GRM5: variants seen among roughly 807,000 people sequenced by gnomAD.
GRM5 encodes glutamate metabotropic receptor 5, also known as metabotropic glutamate receptor 5.
A neutral mutation model predicts 83.1 loss-of-function variants in GRM5; 19 were observed. The ratio of observed to expected loss-of-function variants is 0.23; its 90% CI spans 0.16 to 0.34. The LOEUF (loss-of-function observed/expected upper bound fraction) is 0.34. Ranked by LOEUF, GRM5 falls within the 10% of genes least tolerant of loss-of-function variation. The pLI, the probability that GRM5 is intolerant of heterozygous loss-of-function variation, is 1.00. For synonymous variants in GRM5, 675 were observed against 633.6 expected, an observed-to-expected ratio of 1.07 and a Z score of -0.98; for missense variants, 1,160 against 1,588.3, an observed-to-expected ratio of 0.73 and a Z score of 4.58.
intron 3 of GRM5, among the ~76,000 whole-genome samples, chr11:88,787,745 A>G (rs971029311): frequency 1.3e-5 from 2 of 152,110 alleles, no homozygotes; most frequent in African/African-American, 4.8e-5. Context: ...AAAGAGAGAG[A>G]GGAAAAACAA....
chr11:88,594,093 C>T (rs2135213968), intron 6 of GRM5, among the ~76,000 whole-genome samples: 1 of 152,102 alleles, frequency 6.6e-6, no homozygotes, highest in African/African-American at 2.4e-5. Context: ...CCGCCCGGCC[C>T]TAGAAGTTAC....
chr11:88,681,411 C>G (rs532376907), intron 3 of GRM5, among the ~76,000 whole-genome samples: 1 of 151,784 alleles, frequency 6.6e-6, no homozygotes, highest in African/African-American at 2.4e-5. Context: ...TTTGATTTCT[C>G]TTGAACCCTT....
At chr11:88,686,364 A>T (rs1267343869) in intron 3 of GRM5, among the ~76,000 whole-genome samples, 2 of 152,188 alleles carry the variant, frequency 1.3e-5, no homozygotes, top group Admixed American at 6.5e-5. Context: ...GGAAATAATT[A>T]GCTTGATTTT....
At chr11:88,769,423 GAGT>G (rs1222743703) in intron 3 of GRM5, among the ~76,000 whole-genome samples, 1 of 151,988 alleles carries the variant, frequency 6.6e-6, no homozygotes, top group East Asian at 1.9e-4. Context: ...GAGCAGTAAT[GAGT>G]ATATGCAACA....
At chr11:88,574,682 G>A (rs1943069840) in intron 7 of GRM5, among the ~76,000 whole-genome samples, 1 of 152,136 alleles carries the variant, frequency 6.6e-6, no homozygotes, top group East Asian at 1.9e-4. Flanking sequence ...CAGGAGAATC[G>A]CTTGAACCCA....
At chr11:88,530,880 GA>G (rs1941991484) in intron 8 of GRM5, among the ~76,000 whole-genome samples, 1 of 152,078 alleles carries the variant, frequency 6.6e-6, no homozygotes, top group Non-Finnish European at 1.5e-5. Flanking sequence ...GATCAAGTTT[GA>G]GTAAGTGACC....
intron 2 of GRM5, among the ~76,000 whole-genome samples, chr11:89,035,944 A>G (rs1381496599): frequency 6.6e-6 from 1 of 152,046 alleles, no homozygotes; most frequent in Non-Finnish European, 1.5e-5. Context: ...TTCTAGTTGG[A>G]GAAGTAAAGG....
chr11:88,560,855 C>A (rs1942738974), intron 8 of GRM5, among the ~76,000 whole-genome samples: 1 of 152,300 alleles, frequency 6.6e-6, no homozygotes, highest in South Asian at 2.1e-4. Flanking sequence ...ATTGCTCAGT[C>A]CTCAGTCAAT....
chr11:88,975,783 AT>A (rs1478287996), intron 2 of GRM5, among the ~76,000 whole-genome samples: 1 of 152,206 alleles, frequency 6.6e-6, no homozygotes. Context: ...TGTTGGTCTC[AT>A]TTTGATTCCA....
chr11:88,903,507 C>A (rs1357354803), intron 2 of GRM5, among the ~76,000 whole-genome samples: 1 of 152,046 alleles, frequency 6.6e-6, no homozygotes, highest in Non-Finnish European at 1.5e-5. Context: ...AAGTGTCTAT[C>A]AAGAGATGAT....
intron 2 of GRM5, among the ~76,000 whole-genome samples, chr11:89,039,116 T>C (rs369139630): frequency 6.6e-6 from 1 of 151,812 alleles, no homozygotes; most frequent in South Asian, 2.1e-4. Context: ...ATACAAAAAA[T>C]TAGCTGGGCA....
chr11:89,015,877 G>A (rs957715349), intron 2 of GRM5, among the ~76,000 whole-genome samples: 4 of 152,138 alleles, frequency 2.6e-5, no homozygotes, highest in African/African-American at 9.7e-5. Flanking sequence ...AACAATGTGA[G>A]TTAGGGGGCA....
rs1196721829 is a variant in GRM5 at position 88,531,298 on chromosome 11, G to T, written c.2631-5894C>A. On this transcript the variant is annotated intron_variant, in intron 8 of 9. Coordinates refer to ENST00000305447, the MANE Select transcript of GRM5 (RefSeq NM_001143831.3). ...TCAATTTAAGAAAACAACAGTAAATGGAGTGTTTAGTGAAGCGGTTGAATA... is the reference window on the plus strand; with the variant it reads ...TCAATTTAAGAAAACAACAGTAAATTGAGTGTTTAGTGAAGCGGTTGAATA... Among the ~76,000 whole-genome samples the T allele has an allele frequency of 2.0e-5, 3 of 152,152 alleles. No homozygotes were observed. In the East Asian group the frequency reaches 5.8e-4, roughly 29 times the overall value.
chr11:88,979,423 C>G (rs1239450275), intron 2 of GRM5, among the ~76,000 whole-genome samples: 1 of 152,172 alleles, frequency 6.6e-6, no homozygotes, highest in Non-Finnish European at 1.5e-5. Context: ...ATACATATAT[C>G]AAGTGACAAA....
At chr11:89,060,847 T>C (rs1243186570) in intron 1 of GRM5, among the ~76,000 whole-genome samples, 1 of 152,168 alleles carries the variant, frequency 6.6e-6, no homozygotes, top group Non-Finnish European at 1.5e-5. Flanking sequence ...TGAAGTTTCT[T>C]TTCTTGGGTT....
chr11:88,855,370 T>C (rs1944456230), intron 2 of GRM5, among the ~76,000 whole-genome samples: 2 of 151,972 alleles, frequency 1.3e-5, no homozygotes, highest in African/African-American at 4.8e-5. Flanking sequence ...TTATTTTTAC[T>C]AATGCTGTTC....
intron 4 of GRM5, among the ~76,000 whole-genome samples, chr11:88,618,853 G>T (rs1163397718): frequency 6.6e-6 from 1 of 152,142 alleles, no homozygotes; most frequent in Non-Finnish European, 1.5e-5. Context: ...ATTTTTTAGG[G>T]TCTGCTATGA....
intron 2 of GRM5, among the ~76,000 whole-genome samples, chr11:88,949,363 T>G (rs923819239): frequency 5.9e-5 from 9 of 152,258 alleles, no homozygotes; most frequent in African/African-American, 2.2e-4. Flanking sequence ...TATGTCTCTT[T>G]CATTACTGTA....
intron 2 of GRM5, among the ~76,000 whole-genome samples, chr11:89,017,276 G>C (rs1940881275): frequency 6.6e-6 from 1 of 152,162 alleles, no homozygotes; most frequent in Non-Finnish European, 1.5e-5. Flanking sequence ...TCAATGAATA[G>C]AAGATAAGTA....
Sources: allele counts gnomAD v4.1 joint callset (sites outside exome capture counted in the v4.1 genomes callset), GRCh38; gene constraint gnomAD v4.1.1; transcripts MANE v1.5; gene names NCBI Gene and HGNC (gene_info 2026-07-23, HGNC 2026-07-21).